Variants in PTPRG observed in about 807,000 individuals in gnomAD.
PTPRG encodes protein tyrosine phosphatase receptor type G.
Under a neutral mutation model 165.3 loss-of-function variants are expected in PTPRG, and 102 were observed. The observed-to-expected ratio is 0.62, with a 90% CI of 0.53 to 0.73. The LOEUF (loss-of-function observed/expected upper bound fraction) is 0.73. Among genes scored for constraint, PTPRG ranks in the 30% least tolerant of loss-of-function variants. PTPRG has a pLI of 0.00. For synonymous variants in PTPRG, 675 were observed against 669.5 expected (o/e 1.01, Z -0.13); for missense variants, 1,866 against 1,861.4 (o/e 1.00, Z -0.05).
rs2036663029 is a variant in PTPRG at position 61,842,409 on chromosome 3, C to T, written c.190+93427C>T. ...GACTCAAGTCTTCAGTCTGCACCTT[C>T]GAAAGTACCAGAAATGTCCCTTTAG... is the stretch of plus-strand genomic sequence containing the variant. On this transcript the variant is annotated intron_variant, in intron 2 of 29. Coordinates refer to ENST00000474889, the MANE Select transcript of PTPRG (RefSeq NM_002841.4). 2.0e-5 allele frequency among the ~76,000 whole-genome samples: 3 copies of T among 152,140 alleles called. No individual in the cohort carries two copies. The South Asian group carries it at 6.2e-4, about 31-fold the overall frequency.
chr3:61,772,947 T>G (rs2034256967), intron 2 of PTPRG, among the ~76,000 whole-genome samples: 1 of 152,192 alleles, frequency 6.6e-6, no homozygotes, highest in South Asian at 2.1e-4. Context: ...TGAGTGGAAC[T>G]CCATAATAAT....
intron 1 of PTPRG, among the ~76,000 whole-genome samples, chr3:61,690,932 G>T (rs571142015): frequency 6.6e-6 from 1 of 152,074 alleles, no homozygotes; most frequent in South Asian, 2.1e-4. Flanking sequence ...AGATGAGACT[G>T]CTCAGAGAAT....
chr3:61,690,565 C>T (rs2106653937), intron 1 of PTPRG, among the ~76,000 whole-genome samples: 1 of 152,322 alleles, frequency 6.6e-6, no homozygotes, highest in South Asian at 2.1e-4. Context: ...GCTTAAGTCA[C>T]TAAAACACTC....
At position 62,280,714 on chromosome 3, in the gene PTPRG, T is replaced by C. The variant is rs376211610; in HGVS notation, c.3766-849T>C. ...CCCAGCAGTCCTTCTTGTGGGCATA[T>C]ACCCAAAGGAAGTGAAATCAACACC... is the stretch of plus-strand genomic sequence containing the variant. On this transcript the variant is annotated intron_variant, in intron 26 of 29. Coordinates refer to ENST00000474889, the MANE Select transcript of PTPRG (RefSeq NM_002841.4). Among the ~76,000 whole-genome samples the C allele has an allele frequency of 3.3e-3, 503 of 152,128 alleles. 3 individuals carry two copies. Among genetic ancestry groups the C allele is most frequent in the African/African-American group, 0.012 (478 of 41,514 alleles).
At chr3:61,891,538 T>C (rs1240735826) in intron 2 of PTPRG, among the ~76,000 whole-genome samples, 1 of 152,218 alleles carries the variant, frequency 6.6e-6, no homozygotes, top group Non-Finnish European at 1.5e-5. Context: ...TTTTGGTGAA[T>C]CAACCTGAGA....
intron 29 of PTPRG, 125 bp from the exon 30 acceptor site, chr3:62,293,036 A>G: frequency 1.3e-6 from 1 of 787,510 alleles, no homozygotes. Context: ...TTTTTTAGAT[A>G]ACATTTATGC....
chr3:62,047,208 G>A (rs1700322285), intron 4 of PTPRG, among the ~76,000 whole-genome samples: 1 of 151,498 alleles, frequency 6.6e-6, no homozygotes, highest in Non-Finnish European at 1.5e-5. Flanking sequence ...AGAATGCAGG[G>A]ATTTTTTGGA....
At chr3:61,788,614 C>A (rs908385529) in intron 2 of PTPRG, among the ~76,000 whole-genome samples, 2 of 152,150 alleles carry the variant, frequency 1.3e-5, no homozygotes, top group African/African-American at 4.8e-5. Flanking sequence ...AAGATTGTTT[C>A]TTTTTCAATG....
chr3:61,665,788 A>G (rs1702796416), intron 1 of PTPRG, among the ~76,000 whole-genome samples: 1 of 152,124 alleles, frequency 6.6e-6, no homozygotes, highest in African/African-American at 2.4e-5. Flanking sequence ...TGGTCATGCT[A>G]CTGTACTCCA....
At chr3:61,699,343 T>G (rs903583397) in intron 1 of PTPRG, among the ~76,000 whole-genome samples, 1 of 152,184 alleles carries the variant, frequency 6.6e-6, no homozygotes, top group Non-Finnish European at 1.5e-5. Flanking sequence ...ACAGCTGGAT[T>G]CTCCTAACTG....
At chr3:61,603,537 T>C (rs1453109503) in intron 1 of PTPRG, among the ~76,000 whole-genome samples, 1 of 152,196 alleles carries the variant, frequency 6.6e-6, no homozygotes, top group African/African-American at 2.4e-5. Flanking sequence ...TCTCAGGTAT[T>C]TCTTTATAGC....
At chr3:61,813,799 G>T (rs766046006) in intron 2 of PTPRG, among the ~76,000 whole-genome samples, 2 of 151,686 alleles carry the variant, frequency 1.3e-5, no homozygotes, top group Non-Finnish European at 2.9e-5. Flanking sequence ...TCTCGAAGTG[G>T]TTTGTTTATG....
At chr3:61,848,063 A>T (rs532099148) in intron 2 of PTPRG, among the ~76,000 whole-genome samples, 1 of 152,278 alleles carries the variant, frequency 6.6e-6, no homozygotes, top group African/African-American at 2.4e-5. Context: ...CTAGTTGATG[A>T]GTGTTAGGGA....
intron 1 of PTPRG, among the ~76,000 whole-genome samples, chr3:61,709,831 C>T (rs2031460142): frequency 6.6e-6 from 1 of 152,086 alleles, no homozygotes; most frequent in South Asian, 2.1e-4. Flanking sequence ...GCAAGAGAAC[C>T]ACTGTGCCAG....
At chr3:61,866,391 C>G (rs2037408379) in intron 2 of PTPRG, among the ~76,000 whole-genome samples, 1 of 152,012 alleles carries the variant, frequency 6.6e-6, no homozygotes, top group South Asian at 2.1e-4. Flanking sequence ...TAATCAGGAA[C>G]TGGAAACTTC....
At chr3:62,231,762 G>A (rs943636885) in intron 14 of PTPRG, among the ~76,000 whole-genome samples, 1 of 151,904 alleles carries the variant, frequency 6.6e-6, no homozygotes, top group African/African-American at 2.4e-5. Flanking sequence ...AGTAGGAAGG[G>A]GAGAGAGAAG....
chr3:61,611,269 G>T (rs950185253), intron 1 of PTPRG, among the ~76,000 whole-genome samples: 1 of 152,134 alleles, frequency 6.6e-6, no homozygotes, highest in African/African-American at 2.4e-5. Flanking sequence ...CTTCTTGTGG[G>T]TTCAGTCTCC....
At chr3:61,759,553 A>C (rs2033761133) in intron 2 of PTPRG, among the ~76,000 whole-genome samples, 1 of 152,232 alleles carries the variant, frequency 6.6e-6, no homozygotes, top group Non-Finnish European at 1.5e-5. Context: ...GCTACTCGGA[A>C]GGCTGAGGTG....
At chr3:61,718,439 T>A (rs2031908928) in intron 1 of PTPRG, among the ~76,000 whole-genome samples, 1 of 152,248 alleles carries the variant, frequency 6.6e-6, no homozygotes, top group African/African-American at 2.4e-5. Context: ...CTTTAACACA[T>A]ACTTGGCTTC....
Sources: allele counts gnomAD v4.1 joint callset (sites outside exome capture counted in the v4.1 genomes callset), GRCh38; gene constraint gnomAD v4.1.1; transcripts MANE v1.5; gene names NCBI Gene and HGNC (gene_info 2026-07-23, HGNC 2026-07-21).